ZC3H3: variants seen among roughly 807,000 people sequenced by gnomAD.
ZC3H3 encodes zinc finger CCCH domain-containing protein 3.
A neutral mutation model predicts 77.3 loss-of-function variants in ZC3H3; 36 were observed. The observed-to-expected ratio is 0.47, with a 90% CI of 0.36 to 0.61. The LOEUF is 0.61. ZC3H3 is among the 20% of genes least tolerant of loss of function. The pLI is 0.00. For synonymous variants in ZC3H3, 626 were observed against 555.2 expected (o/e 1.13, Z -1.79); for missense variants, 1,331 against 1,312.2 (o/e 1.01, Z -0.22).
At chr8:143,534,616 C>T (rs914675259) in intron 3 of ZC3H3, among the ~76,000 whole-genome samples, 1 of 152,158 alleles carries the variant, frequency 6.6e-6, no homozygotes, top group Non-Finnish European at 1.5e-5. Flanking sequence ...GCAGACCCTG[C>T]TGGCCTCCCA....
chr8:143,527,841 C>G (rs956823590), intron 3 of ZC3H3, among the ~76,000 whole-genome samples: 7 of 152,214 alleles, frequency 4.6e-5, no homozygotes, highest in African/African-American at 1.7e-4. Context: ...CCCAAAGGCA[C>G]CGCTCAGCCC....
chr8:143,500,977 C>CTTTT (rs36081285), intron 4 of ZC3H3, among the ~76,000 whole-genome samples: 1 of 134,106 alleles, frequency 7.5e-6, no homozygotes, highest in African/African-American at 2.8e-5. Context: ...CATGCCCGAC[C>CTTTT]TTTTTTTTTT....
rs1362200006 is a variant in ZC3H3, at chr8:143,494,560, C to A, written c.1715+13186G>T. Among the ~76,000 whole-genome samples, 1 of 152,134 alleles carries A rather than the reference C, an allele frequency of 6.6e-6. No homozygotes were observed. Among genetic ancestry groups the A allele is most frequent in the African/African-American group, 2.4e-5 (1 of 41,428 alleles). On this transcript the variant is annotated intron_variant, in intron 4 of 11. Transcript: ENST00000262577. This position sits in a 1 kb window ranked among gnomAD's most constrained non-coding sequence, Gnocchi z 5.3. ...GGGCCTCAGAGCACAGCGGCGCCGGCAGAACCCAGAGCGAGGGCCAGCCGG... is the reference window on the plus strand; with the variant it reads ...GGGCCTCAGAGCACAGCGGCGCCGGAAGAACCCAGAGCGAGGGCCAGCCGG...
At chr8:143,515,150 C>A (rs1447108302) in intron 3 of ZC3H3, among the ~76,000 whole-genome samples, 1 of 152,232 alleles carries the variant, frequency 6.6e-6, no homozygotes, top group Non-Finnish European at 1.5e-5. Context: ...ATGGGGCTCC[C>A]GCCTCGCTCC....
At position 143,517,475 on chromosome 8, in the gene ZC3H3, C is replaced by T. The variant is rs529173612; in HGVS notation, c.1562-9576G>A. On this transcript the variant is annotated intron_variant, in intron 3 of 11. Coordinates refer to ENST00000262577, the MANE Select transcript of ZC3H3 (RefSeq NM_015117.3). ...GCGCTCCAAGCAGGTGGGGTAGGCT[C>T]GGGGCATGCAGGCTGCAGCGAAGGA... Among the ~76,000 whole-genome samples, 79 of 152,290 alleles carry T rather than the reference C, an allele frequency of 5.2e-4. 1 individual carries two copies. The South Asian group carries it at 0.016, about 31-fold the overall frequency.
chr8:143,514,362 G>A (rs934966947), intron 3 of ZC3H3, among the ~76,000 whole-genome samples: 1 of 152,168 alleles, frequency 6.6e-6, no homozygotes, highest in Non-Finnish European at 1.5e-5. Flanking sequence ...GGTCTCCCCA[G>A]TGTCTGCAGC....
chr8:143,483,842 G>A (rs1467561160), intron 4 of ZC3H3, among the ~76,000 whole-genome samples: 1 of 152,230 alleles, frequency 6.6e-6, no homozygotes, highest in Admixed American at 6.5e-5. Context: ...GGTACCTGGG[G>A]CAGTAGCTGC....
intron 3 of ZC3H3, among the ~76,000 whole-genome samples, chr8:143,510,069 C>T: frequency 6.6e-6 from 1 of 152,244 alleles, no homozygotes; most frequent in Non-Finnish European, 1.5e-5. Flanking sequence ...CATGATCACA[C>T]TCCTGCGCAG....
intron 8 of ZC3H3, among the ~76,000 whole-genome samples, chr8:143,467,358 G>C (rs576549106): frequency 2.0e-5 from 3 of 152,310 alleles, no homozygotes; most frequent in African/African-American, 4.8e-5. Context: ...GCACTGGTGC[G>C]GGGCGTCCAC....
intron 5 of ZC3H3, among the ~76,000 whole-genome samples, chr8:143,470,340 C>T (rs904460769): frequency 6.6e-6 from 1 of 152,158 alleles, no homozygotes; most frequent in African/African-American, 2.4e-5. Context: ...GGAAAGGGGG[C>T]GTTGAAGAAC....
At chr8:143,441,605 G>A (rs116373504) in intron 9 of ZC3H3, among the ~76,000 whole-genome samples, 2,266 of 152,266 alleles carry the variant, frequency 0.015, 47 homozygotes, top group African/African-American at 0.05. Flanking sequence ...CTGGGCACGC[G>A]ATCCCTAGCA....
In ZC3H3 at chr8:143,538,845, C is replaced by A. The variant is rs10081449; in HGVS notation, c.522G>T (p.Ser174=). 6.2e-7 allele frequency: 1 copy of A among 1,612,178 alleles called. No homozygotes were observed. The highest frequency in any genetic ancestry group is 8.5e-7 in the Non-Finnish European group (1 of 1,179,626). The change falls in exon 2 of 12, where the codon TCG becomes TCT. Residue 174 remains serine, a synonymous_variant. Coordinates refer to ENST00000262577, the MANE Select transcript of ZC3H3 (RefSeq NM_015117.3). The part of the protein sequence containing the change: ...GEPPRGQLQP[S]RPTRARGTCS... Reference sequence around the variant, plus strand: ...AGGTCCCCCTGGCTCTTGTTGGCCTCGAGGGCTGCAGCTGTCCCCGAGGGG... The same window carrying A: ...AGGTCCCCCTGGCTCTTGTTGGCCTAGAGGGCTGCAGCTGTCCCCGAGGGG...
chr8:143,498,784 CA>C (rs1330941229), intron 4 of ZC3H3, among the ~76,000 whole-genome samples: 1 of 49,722 alleles, frequency 2.0e-5, no homozygotes, highest in Non-Finnish European at 3.7e-5. Flanking sequence ...CAGGGCAGGG[CA>C]GGGGGTACAG....
rs202075905 is a variant in ZC3H3 at position 143,475,403 on chromosome 8, C to T, written c.1898G>A (p.Arg633His). ...PSDAGSRPLL[R>H]TGRLDPAGSC... is the part of the protein sequence containing the mutation. ...CCCCCGCCCTCACCTCTCACCTGTG[C>T]GCAGGAGGGGCCTGCTGCCCGCATC... Residue 633 changes from arginine to histidine, a missense_variant, in exon 5 of 12, where the codon CGC (arginine) becomes CAC (histidine). Around this residue, in one of 3 missense-constraint regions of ZC3H3, gnomAD observed 978 missense variants for 915.5 expected, o/e 1.07. Coordinates refer to ENST00000262577, the MANE Select transcript of ZC3H3 (RefSeq NM_015117.3). The T allele has an allele frequency of 2.4e-5, 39 of 1,612,260 alleles. No homozygotes were observed. Among genetic ancestry groups the T allele is most frequent in the South Asian group, 6.6e-5 (6 of 90,992 alleles).
intron 11 of ZC3H3, among the ~76,000 whole-genome samples, chr8:143,438,391 C>T (rs1479234439): frequency 6.6e-6 from 1 of 152,180 alleles, no homozygotes; most frequent in Non-Finnish European, 1.5e-5. Context: ...CCTGGGCGGG[C>T]GGCAGTCCCG....
In ZC3H3 at chr8:143,533,629, C is replaced by T. The variant is rs1822692745; in HGVS notation, c.1561+2628G>A. On this transcript the variant is annotated intron_variant, in intron 3 of 11. Transcript: ENST00000262577. This position sits in a 1 kb window ranked among gnomAD's most constrained non-coding sequence, Gnocchi z 4.0. Reference sequence around the variant, plus strand: ...GGGCAAGTGAGTGGGACGCCTTCCCCACCCCTTCCTCAGACAGGACCCTCT... The same window carrying T: ...GGGCAAGTGAGTGGGACGCCTTCCCTACCCCTTCCTCAGACAGGACCCTCT... Among the ~76,000 whole-genome samples, 2 of 152,084 alleles carry T rather than the reference C, an allele frequency of 1.3e-5. No homozygotes were observed. Among genetic ancestry groups the T allele is most frequent in the Admixed American group, 1.3e-4 (2 of 15,264 alleles).
At chr8:143,503,124 C>T (rs974366891) in intron 4 of ZC3H3, among the ~76,000 whole-genome samples, 10 of 152,188 alleles carry the variant, frequency 6.6e-5, no homozygotes, top group Non-Finnish European at 1.2e-4. Context: ...GCCAGCACAC[C>T]GCCAGCATGC....
chr8:143,519,122 G>A (rs1462247960), intron 3 of ZC3H3, among the ~76,000 whole-genome samples: 1 of 151,938 alleles, frequency 6.6e-6, no homozygotes, highest in Non-Finnish European at 1.5e-5. Flanking sequence ...CTCTGAAGGA[G>A]GGGAGGAGAG....
At chr8:143,514,852 T>C (rs1179238139) in intron 3 of ZC3H3, among the ~76,000 whole-genome samples, 1 of 152,202 alleles carries the variant, frequency 6.6e-6, no homozygotes, top group Non-Finnish European at 1.5e-5. Context: ...GAAAGCCTCC[T>C]TGGTTCTTTG....
Sources: allele counts gnomAD v4.1 joint callset (sites outside exome capture counted in the v4.1 genomes callset), GRCh38; gene constraint gnomAD v4.1.1; regional missense constraint gnomAD v4.1.1; non-coding constraint Gnocchi (gnomAD v3.1); transcripts MANE v1.5; gene names NCBI Gene and HGNC (gene_info 2026-07-23, HGNC 2026-07-21).